The following CLMN variants were observed in gnomAD, a reference collection of about 807,000 sequenced individuals.
CLMN encodes the protein calmin (calponin-like, transmembrane).
CLMN carries 57 observed loss-of-function variants against 92.7 expected under a neutral mutation model. That is an observed-to-expected ratio of 0.61 (90% CI 0.50 to 0.77). The LOEUF (loss-of-function observed/expected upper bound fraction) is 0.77. CLMN is among the 30% of genes least tolerant of loss of function. The pLI, the probability that CLMN is intolerant of heterozygous loss-of-function variation, is 0.00. For synonymous variants in CLMN, 466 were observed against 470.6 expected (o/e 0.99, Z 0.13); for missense variants, 1,158 against 1,237.5 (o/e 0.94, Z 0.96).
At position 95,294,008 on chromosome 14, in the gene CLMN, G is replaced by A. The variant is rs998746936; in HGVS notation, c.82+25703C>T. Among the ~76,000 whole-genome samples the A allele has an allele frequency of 4.2e-5, 6 of 142,564 alleles. No homozygotes were observed. Among genetic ancestry groups the A allele is most frequent in the African/African-American group, 1.5e-4 (6 of 38,756 alleles). 93.5% of individuals were successfully genotyped at this position (142,564 alleles called of 152,430 possible). A position where few individuals can be genotyped will look rare whatever the true frequency, so the allele number is the denominator to read the frequency against. On this transcript the variant is annotated intron_variant, in intron 1 of 12. Coordinates refer to ENST00000298912, the MANE Select transcript of CLMN (RefSeq NM_024734.4). The surrounding 1 kb of genome is among the most constrained non-coding windows in gnomAD (Gnocchi z 4.2). ...TGCCAGCCCCACTGCCTGGCTGGAG[G>A]GTGACACCAAAGAGGAGGAGGAGGA...
intron 12 of CLMN, chr14:95,192,405 T>C (rs553327635): frequency 1.3e-5 from 2 of 152,314 alleles, no homozygotes; most frequent in East Asian, 1.9e-4. Context: ...TGGCGGATCA[T>C]AGGGAAGCCC....
rs571479596 is a variant in CLMN at position 95,313,948 on chromosome 14, C to T, written c.82+5763G>A. Among the ~76,000 whole-genome samples, 37 of 152,302 alleles carry T rather than the reference C, an allele frequency of 2.4e-4. 1 individual carries two copies. In the South Asian group the frequency reaches 7.3e-3, roughly 30 times the overall value. ...GAGCTGCAGATCTGGTGAGACATCC[C>T]GCCTCTCTCATGAGGCTATAGGGCC... On this transcript the variant is annotated intron_variant, in intron 1 of 12. Transcript: ENST00000298912.
intron 1 of CLMN, among the ~76,000 whole-genome samples, chr14:95,270,245 A>G (rs1899654525): frequency 6.6e-6 from 1 of 152,226 alleles, no homozygotes; most frequent in Non-Finnish European, 1.5e-5. Context: ...TCTATTAAAA[A>G]TAACTTATTT....
chr14:95,271,688 T>C (rs1183861836), intron 1 of CLMN, among the ~76,000 whole-genome samples: 4 of 152,230 alleles, frequency 2.6e-5, no homozygotes, highest in East Asian at 1.9e-4. Flanking sequence ...CTGTAAAATG[T>C]GTGAAAGTTA....
At chr14:95,279,265 T>C (rs1027372929) in intron 1 of CLMN, among the ~76,000 whole-genome samples, 2 of 152,226 alleles carry the variant, frequency 1.3e-5, no homozygotes, top group Admixed American at 1.3e-4. Flanking sequence ...AATGTAGATA[T>C]TTGGTCTAAA....
At chr14:95,283,980 C>G (rs1438880388) in intron 1 of CLMN, among the ~76,000 whole-genome samples, 1 of 152,214 alleles carries the variant, frequency 6.6e-6, no homozygotes, top group East Asian at 1.9e-4. Context: ...CAGAGACCTT[C>G]ATGGCAGCCC....
chr14:95,281,122 T>C (rs1900129512), intron 1 of CLMN, among the ~76,000 whole-genome samples: 1 of 152,206 alleles, frequency 6.6e-6, no homozygotes. Flanking sequence ...ACAGAACTAA[T>C]AAAAGTTCTG....
intron 9 of CLMN, among the ~76,000 whole-genome samples, chr14:95,201,875 C>A (rs1896893986): frequency 6.6e-6 from 1 of 152,166 alleles, no homozygotes; most frequent in Non-Finnish European, 1.5e-5. Flanking sequence ...TGATGGCTTC[C>A]AGCTTCATCC....
In CLMN at chr14:95,298,665, G is replaced by A. The variant is rs75999056; in HGVS notation, c.82+21046C>T. Among the ~76,000 whole-genome samples, 1,293 of 152,344 alleles carry A rather than the reference G, an allele frequency of 8.5e-3. 10 individuals carry two copies. The highest frequency in any genetic ancestry group is 0.014 in the Non-Finnish European group (930 of 68,044). On this transcript the variant is annotated intron_variant, in intron 1 of 12. Transcript: ENST00000298912. ...ATAAACCAGGAGACCTGTAACAGGAGTACATTCATGTCTTTGCAAAAAGAG... is the reference window on the plus strand; with the variant it reads ...ATAAACCAGGAGACCTGTAACAGGAATACATTCATGTCTTTGCAAAAAGAG...
chr14:95,224,273 A>T (rs1302744812), intron 2 of CLMN, among the ~76,000 whole-genome samples: 4 of 151,856 alleles, frequency 2.6e-5, no homozygotes, highest in Non-Finnish European at 5.9e-5. Context: ...CATTTTATTT[A>T]TTTATTTATT....
At chr14:95,309,459 G>A (rs17191121) in intron 1 of CLMN, among the ~76,000 whole-genome samples, 8,343 of 152,216 alleles carry the variant, frequency 0.055, 250 homozygotes, top group Middle Eastern at 0.092. Flanking sequence ...ACACAACAGC[G>A]TATGCAACTA....
At chr14:95,300,262 G>C (rs537006044) in intron 1 of CLMN, among the ~76,000 whole-genome samples, 2 of 152,304 alleles carry the variant, frequency 1.3e-5, no homozygotes, top group East Asian at 3.9e-4. Flanking sequence ...ACAATGAAGT[G>C]GCACCCCAAA....
At chr14:95,269,985 A>G (rs757904687) in intron 1 of CLMN, among the ~76,000 whole-genome samples, 2 of 151,428 alleles carry the variant, frequency 1.3e-5, no homozygotes, top group African/African-American at 2.5e-5. Flanking sequence ...CGCGATTCGG[A>G]GACTCAGCTA....
chr14:95,255,185 C>T (rs1276223003), intron 1 of CLMN, among the ~76,000 whole-genome samples: 1 of 152,084 alleles, frequency 6.6e-6, no homozygotes, highest in East Asian at 1.9e-4. Context: ...AGCCCCCTGC[C>T]GGCACCTTGA....
intron 1 of CLMN, among the ~76,000 whole-genome samples, chr14:95,254,512 C>T (rs1418618413): frequency 6.6e-6 from 1 of 152,124 alleles, no homozygotes; most frequent in Non-Finnish European, 1.5e-5. Flanking sequence ...ACCGAAGCCT[C>T]GTGCACACAC....
At chr14:95,193,373 A>G (rs1483948963) in intron 12 of CLMN, 9 of 1,535,108 alleles carry the variant, frequency 5.9e-6, no homozygotes, top group Non-Finnish European at 7.8e-6. Flanking sequence ...CTCTGATGCC[A>G]TAAAACTGTA....
intron 1 of CLMN, among the ~76,000 whole-genome samples, chr14:95,317,247 G>A (rs774112670): frequency 2.6e-5 from 4 of 152,192 alleles, no homozygotes; most frequent in Non-Finnish European, 5.9e-5. Context: ...AGCAAGGAGA[G>A]AAAATGCCTA....
chr14:95,306,405 C>T (rs948878982), intron 1 of CLMN, among the ~76,000 whole-genome samples: 3 of 152,190 alleles, frequency 2.0e-5, no homozygotes, highest in Admixed American at 6.5e-5. Flanking sequence ...CCCAGCTACT[C>T]GGGAAGCGGC....
At chr14:95,252,379 A>T (rs939997872) in intron 1 of CLMN, among the ~76,000 whole-genome samples, 2 of 152,136 alleles carry the variant, frequency 1.3e-5, no homozygotes, top group African/African-American at 4.8e-5. Flanking sequence ...TGGTATTTAC[A>T]AAGTGCTTGG....
Sources: gnomAD v4.1 joint callset for allele counts (sites outside exome capture counted in the v4.1 genomes callset) on GRCh38, gnomAD v4.1.1 for gene constraint, Gnocchi (gnomAD v3.1) non-coding constraint, MANE v1.5 for transcripts, NCBI Gene and HGNC (gene_info 2026-07-23, HGNC 2026-07-21) for gene names.